SLC8A1: variants seen among roughly 807,000 people sequenced by gnomAD.
SLC8A1 encodes the protein solute carrier family 8 member A1.
Under a neutral mutation model 68.3 loss-of-function variants are expected in SLC8A1, and 18 were observed. That is an observed-to-expected ratio of 0.26 (90% CI 0.18 to 0.39). The LOEUF is 0.39. Ranked by LOEUF, SLC8A1 falls within the 10% of genes least tolerant of loss-of-function variation. The pLI is 1.00. For synonymous variants in SLC8A1, 475 were observed against 415.5 expected (o/e 1.14, Z -1.74); for missense variants, 985 against 1,156.7 (o/e 0.85, Z 2.15).
chr2:40,226,945 T>G (rs2059054617), intron 2 of SLC8A1, among the ~76,000 whole-genome samples: 1 of 152,116 alleles, frequency 6.6e-6, no homozygotes, highest in African/African-American at 2.4e-5. Flanking sequence ...ATAGCTCTCT[T>G]GAAAAACACA....
intron 1 of SLC8A1, among the ~76,000 whole-genome samples, chr2:40,491,274 GGT>G (rs1290498882): frequency 3.3e-5 from 5 of 152,012 alleles, no homozygotes; most frequent in African/African-American, 1.2e-4. Flanking sequence ...CTCATGATTT[GGT>G]TCTCTGTTTG....
chr2:40,385,376 A>G (rs893133039), intron 2 of SLC8A1, among the ~76,000 whole-genome samples: 1 of 151,594 alleles, frequency 6.6e-6, no homozygotes, highest in African/African-American at 2.4e-5. Context: ...CTGGATTTAA[A>G]ACATTCATTT....
chr2:40,430,440 T>C, intron 1 of SLC8A1, 136 bp from the exon 2 acceptor site: 1 of 815,774 alleles, frequency 1.2e-6, no homozygotes, highest in Non-Finnish European at 1.9e-6. Context: ...AACCGAAATT[T>C]GTTTATATTT....
rs186863183 is a variant in SLC8A1, at chr2:40,188,770, C to T, written c.1809-10915G>A. 3.3e-3 allele frequency among the ~76,000 whole-genome samples: 505 copies of T among 152,298 alleles called. 1 individual carries two copies. Among genetic ancestry groups the T allele is most frequent in the Non-Finnish European group, 5.7e-3 (391 of 68,018 alleles). On this transcript the variant is annotated intron_variant, in intron 2 of 7. Coordinates refer to ENST00000406785, the Ensembl canonical transcript of SLC8A1. ...TCTTAAGTCTTAAAATTCATATTCT[C>T]TTTCTCTGTTTTCCCTCCTTCCCTC...
At chr2:40,389,371 G>C (rs573479744) in intron 2 of SLC8A1, among the ~76,000 whole-genome samples, 20 of 152,104 alleles carry the variant, frequency 1.3e-4, no homozygotes, top group Middle Eastern at 3.4e-3. Flanking sequence ...CCAGCCTTAA[G>C]CTATCAGTTT....
chr2:40,326,905 C>A (rs757945636), intron 2 of SLC8A1, among the ~76,000 whole-genome samples: 1 of 152,104 alleles, frequency 6.6e-6, no homozygotes, highest in Non-Finnish European at 1.5e-5. Flanking sequence ...AGGTATTGAT[C>A]CCAAGGTCAG....
intron 2 of SLC8A1, among the ~76,000 whole-genome samples, chr2:40,292,967 C>G (rs1036834235): frequency 2.0e-5 from 3 of 152,094 alleles, no homozygotes; most frequent in Non-Finnish European, 2.9e-5. Context: ...AAAAGAGGAC[C>G]TGTGTGCCTT....
At chr2:40,414,789 A>T (rs1282892222) in intron 2 of SLC8A1, among the ~76,000 whole-genome samples, 1 of 152,164 alleles carries the variant, frequency 6.6e-6, no homozygotes, top group Non-Finnish European at 1.5e-5. Flanking sequence ...ACTTGATTTG[A>T]ATTAAATTGG....
intron 2 of SLC8A1, among the ~76,000 whole-genome samples, chr2:40,253,330 G>A (rs1261800401): frequency 6.6e-6 from 1 of 150,636 alleles, no homozygotes; most frequent in Non-Finnish European, 1.5e-5. Context: ...ACACATATAT[G>A]TGTATATATA....
chr2:40,231,555 C>A (rs773822864), intron 2 of SLC8A1, among the ~76,000 whole-genome samples: 1 of 152,110 alleles, frequency 6.6e-6, no homozygotes, highest in African/African-American at 2.4e-5. Context: ...CCAGAACTCA[C>A]TTCAAATGGG....
At chr2:40,431,333 C>T (rs1216471889) in intron 1 of SLC8A1, among the ~76,000 whole-genome samples, 1 of 151,840 alleles carries the variant, frequency 6.6e-6, no homozygotes, top group Non-Finnish European at 1.5e-5. Flanking sequence ...AAATGCAGGA[C>T]CAATAATTCC....
intron 2 of SLC8A1, chr2:40,223,599 G>C (rs2058621163): frequency 6.6e-6 from 1 of 151,844 alleles, no homozygotes; most frequent in African/African-American, 2.4e-5. Context: ...AAACTGTCTT[G>C]TACCTCTCTA....
chr2:40,145,895 C>G (rs2042374744), intron 6 of SLC8A1, among the ~76,000 whole-genome samples: 1 of 152,232 alleles, frequency 6.6e-6, no homozygotes, highest in Admixed American at 6.5e-5. Flanking sequence ...CACCTTATCT[C>G]TTCCCACTCT....
chr2:40,287,131 A>T (rs2068450875), intron 2 of SLC8A1, among the ~76,000 whole-genome samples: 1 of 152,196 alleles, frequency 6.6e-6, no homozygotes. Flanking sequence ...AGAGAACACT[A>T]AAAAAATATG....
At chr2:40,475,418 C>A (rs1238216734) in intron 1 of SLC8A1, among the ~76,000 whole-genome samples, 1 of 152,094 alleles carries the variant, frequency 6.6e-6, no homozygotes, top group East Asian at 1.9e-4. Flanking sequence ...CAGGCATGAG[C>A]CACCGTGCCC....
At chr2:40,239,456 C>G (rs982468607) in intron 2 of SLC8A1, among the ~76,000 whole-genome samples, 1 of 152,190 alleles carries the variant, frequency 6.6e-6, no homozygotes, top group African/African-American at 2.4e-5. Context: ...ACCTCTATTT[C>G]AACCCATTGC....
rs111330649 is a variant in SLC8A1, at chr2:40,404,635, G to C, written c.1808+23838C>G. Among the ~76,000 whole-genome samples, 126 of 152,294 alleles carry C rather than the reference G, an allele frequency of 8.3e-4. 1 individual carries two copies. Among genetic ancestry groups the C allele is most frequent in the African/African-American group, 2.9e-3 (120 of 41,568 alleles). ...TAAGAGAGAGAATATGGGCTCTAAA[G>C]ACCATTGGTCTGACTTAGGGTGCCA... On this transcript the variant is annotated intron_variant, in intron 2 of 7. Transcript: ENST00000406785.
intron 2 of SLC8A1, among the ~76,000 whole-genome samples, chr2:40,371,496 C>A (rs1678046605): frequency 6.6e-6 from 1 of 152,018 alleles, no homozygotes; most frequent in African/African-American, 2.4e-5. Flanking sequence ...GGCTCAGGGA[C>A]CTCACTCTTA....
At chr2:40,097,630 G>A (rs1486750784) in exon 8 of SLC8A1, 2 of 151,940 alleles carry the variant, frequency 1.3e-5, no homozygotes, top group African/African-American at 2.4e-5. Context: ...TCCAGTTTTT[G>A]GTAGTTAGAT....
Sources: gnomAD v4.1 joint callset for allele counts (sites outside exome capture counted in the v4.1 genomes callset) on GRCh38, gnomAD v4.1.1 for gene constraint, MANE v1.5 for transcripts, NCBI Gene and HGNC (gene_info 2026-07-23, HGNC 2026-07-21) for gene names.